The following COBL variants were observed in gnomAD, a reference collection of about 807,000 sequenced individuals.
COBL encodes the protein protein cordon-bleu.
Under a neutral mutation model 98.8 loss-of-function variants are expected in COBL, and 51 were observed. The observed-to-expected ratio is 0.52, with a 90% confidence interval of 0.41 to 0.65. The LOEUF (loss-of-function observed/expected upper bound fraction) is 0.65. Among genes scored for constraint, COBL ranks in the 30% least tolerant of loss-of-function variants. The pLI, the probability that COBL is intolerant of heterozygous loss-of-function variation, is 0.00. For missense variants in COBL, 1,617 were observed against 1,617.5 expected, an observed-to-expected ratio of 1.00 and a Z score of 0.01; for synonymous variants, 634 against 651.7, an observed-to-expected ratio of 0.97 and a Z score of 0.41.
intron 1 of COBL, among the ~76,000 whole-genome samples, chr7:51,275,715 G>A (rs1424081371): frequency 2.0e-5 from 3 of 152,178 alleles, no homozygotes; most frequent in Admixed American, 6.6e-5. Flanking sequence ...TCCGCACGCA[G>A]CCCACCCAGG....
chr7:51,051,247 T>C (rs1562845753), intron 7 of COBL, among the ~76,000 whole-genome samples: 1 of 152,232 alleles, frequency 6.6e-6, no homozygotes, highest in Non-Finnish European at 1.5e-5. Context: ...AAGGCATATG[T>C]TCACATGATT....
chr7:51,182,687 G>C (rs768359752), intron 5 of COBL, among the ~76,000 whole-genome samples: 2 of 152,080 alleles, frequency 1.3e-5, no homozygotes, highest in African/African-American at 2.4e-5. Flanking sequence ...GGGATAGTTG[G>C]AGAGTGGGAG....
chr7:51,087,272 T>C (rs897584016), intron 6 of COBL, among the ~76,000 whole-genome samples: 1 of 152,186 alleles, frequency 6.6e-6, no homozygotes, highest in Non-Finnish European at 1.5e-5. Flanking sequence ...ATCAAAATTA[T>C]GAAAAATATA....
intron 1 of COBL, 83 bp from the exon 2 acceptor site, chr7:51,220,027 G>T: frequency 7.4e-7 from 1 of 1,359,750 alleles, no homozygotes; most frequent in Non-Finnish European, 1.0e-6. Context: ...CACATACTCA[G>T]GTCTGTCTTC....
At position 51,301,118 on chromosome 7, in the gene COBL, G is replaced by C. The variant is rs1018469604; in HGVS notation, c.41+15475C>G. 2.6e-5 allele frequency among the ~76,000 whole-genome samples: 4 copies of C among 152,114 alleles called. No individual in the cohort carries two copies. In the South Asian group the frequency reaches 6.2e-4, roughly 24 times the overall value. On this transcript the variant is annotated intron_variant, in intron 1 of 12. Transcript: ENST00000265136. ...GTGGGATACACGCACCGCGCAGGCT[G>C]CTGCTCTGAAGCGGCCCCCTCCACC...
chr7:51,106,159 G>A (rs967427725), intron 6 of COBL, among the ~76,000 whole-genome samples: 3 of 143,908 alleles, frequency 2.1e-5, no homozygotes, highest in African/African-American at 5.2e-5. Flanking sequence ...AGCCGAGATC[G>A]TGCCATCGCA....
At chr7:51,141,729 T>C (rs10257036) in intron 5 of COBL, among the ~76,000 whole-genome samples, 8,186 of 151,884 alleles carry the variant, frequency 0.054, 643 homozygotes, top group African/African-American at 0.17. Flanking sequence ...GATACAGGTG[T>C]TGACAGGACT....
At chr7:51,061,184 A>G (rs1045006225) in intron 7 of COBL, among the ~76,000 whole-genome samples, 7 of 152,200 alleles carry the variant, frequency 4.6e-5, no homozygotes, top group African/African-American at 1.7e-4. Flanking sequence ...AAATGAAAAC[A>G]GTAATTGTCA....
chr7:51,170,532 AAT>A (rs1287006928), intron 5 of COBL, among the ~76,000 whole-genome samples: 46 of 139,614 alleles, frequency 3.3e-4, no homozygotes, highest in African/African-American at 9.9e-4. Flanking sequence ...TATATATATA[AAT>A]ATATATCACA....
chr7:51,276,096 C>T (rs936780577), intron 1 of COBL, among the ~76,000 whole-genome samples: 14 of 152,280 alleles, frequency 9.2e-5, no homozygotes, highest in Admixed American at 1.3e-4. Context: ...TGCACTGAGG[C>T]TCTGGGACCA....
chr7:51,162,715 G>GTTATGAACCTACAAAGTGGA (rs1786937104), intron 5 of COBL, among the ~76,000 whole-genome samples: 1 of 152,158 alleles, frequency 6.6e-6, no homozygotes, highest in Non-Finnish European at 1.5e-5. Flanking sequence ...TACAAAGTGG[G>GTTATGAACCTACAAAGTGGA]CAGTTTAGCA....
At chr7:51,040,996 C>A (rs1203538068) in intron 8 of COBL, among the ~76,000 whole-genome samples, 3 of 152,116 alleles carry the variant, frequency 2.0e-5, no homozygotes, top group Non-Finnish European at 4.4e-5. Context: ...CTGTGCAATC[C>A]CCATGCAAAC....
At chr7:51,240,607 C>T (rs751691262) in intron 1 of COBL, among the ~76,000 whole-genome samples, 23 of 152,072 alleles carry the variant, frequency 1.5e-4, no homozygotes, top group Non-Finnish European at 2.2e-4. Context: ...AGTGCACTGG[C>T]GCGATCGCGG....
chr7:51,136,506 T>G (rs1015740922), intron 5 of COBL, among the ~76,000 whole-genome samples, 175 bp from the exon 6 acceptor site: 2 of 152,186 alleles, frequency 1.3e-5, no homozygotes, highest in Non-Finnish European at 2.9e-5. Flanking sequence ...CAGGGAAAAC[T>G]GGAGAAGATG....
chr7:51,143,438 T>A (rs939106562), intron 5 of COBL, among the ~76,000 whole-genome samples: 2 of 152,210 alleles, frequency 1.3e-5, no homozygotes, highest in Non-Finnish European at 2.9e-5. Context: ...CTATACTTCA[T>A]CAAGAGTGAT....
rs545169380 is a variant in COBL, at chr7:51,042,666, G to A, written c.1406+717C>T. The stretch of plus-strand genomic sequence containing the variant: ...CATGAGCCACCATGCCAGGCCAAAC[G>A]TGGCATGTTTTTTAAAAGAGCAAAG... On this transcript the variant is annotated intron_variant, in intron 8 of 12. Coordinates refer to ENST00000265136, the MANE Select transcript of COBL (RefSeq NM_015198.5). Among the ~76,000 whole-genome samples the A allele has an allele frequency of 1.7e-3, 256 of 152,298 alleles. 2 individuals carry two copies. Among genetic ancestry groups the A allele is most frequent in the African/African-American group, 5.8e-3 (239 of 41,560 alleles).
chr7:51,197,251 T>C (rs757493180), intron 2 of COBL, among the ~76,000 whole-genome samples: 4 of 152,204 alleles, frequency 2.6e-5, no homozygotes, highest in Non-Finnish European at 5.9e-5. Context: ...AAAGAACTTC[T>C]TGATTTTCCC....
chr7:51,196,616 A>G (rs1790621370), intron 2 of COBL, among the ~76,000 whole-genome samples: 1 of 152,088 alleles, frequency 6.6e-6, no homozygotes, highest in Non-Finnish European at 1.5e-5. Flanking sequence ...TATCTGGTAG[A>G]ATTCAGCTGT....
chr7:51,163,460 G>A (rs961211607), intron 5 of COBL, among the ~76,000 whole-genome samples: 6 of 152,192 alleles, frequency 3.9e-5, no homozygotes, highest in Non-Finnish European at 8.8e-5. Flanking sequence ...AGCAGGCATG[G>A]TCATCACTGG....
Sources: allele counts gnomAD v4.1 joint callset (sites outside exome capture counted in the v4.1 genomes callset), GRCh38; gene constraint gnomAD v4.1.1; transcripts MANE v1.5; gene names NCBI Gene and HGNC (gene_info 2026-07-23, HGNC 2026-07-21).